Variants in TMTC3 observed in about 807,000 individuals in gnomAD.
TMTC3 encodes the protein transmembrane O-mannosyltransferase targeting cadherins 3.
TMTC3 carries 52 observed loss-of-function variants against 92.2 expected under a neutral mutation model. That is an observed-to-expected ratio of 0.56 (90% CI 0.45 to 0.71). The LOEUF (loss-of-function observed/expected upper bound fraction) is 0.71. Among genes scored for constraint, TMTC3 ranks in the 30% least tolerant of loss-of-function variants. TMTC3 has a pLI of 0.00. For missense variants in TMTC3, 896 were observed against 1,057.1 expected (o/e 0.85, Z 2.11); for synonymous variants, 339 against 363.3 (o/e 0.93, Z 0.76).
In TMTC3 at chr12:88,195,008, C is replaced by T. The variant is rs773997816; in HGVS notation, c.2104C>T (p.Arg702Ter). The change falls in exon 14 of 14, where the codon CGA (arginine) becomes TGA (stop). Residue 702 changes from arginine to a stop codon, truncating the protein, a stop_gained. Transcript: ENST00000266712. LOFTEE classifies it high-confidence loss of function. ...AGCCATAAAGTTACAAGCCGACTTCCGAAGTGCTTTGTTTAATCTGGCTCT... is the reference window on the plus strand; with the variant it reads ...AGCCATAAAGTTACAAGCCGACTTCTGAAGTGCTTTGTTTAATCTGGCTCT... ...KKAIKLQADF[R>*]SALFNLALLY... is the part of the protein sequence containing the mutation. 9.3e-6 allele frequency: 15 copies of T among 1,613,628 alleles called. No individual in the cohort carries two copies. Among genetic ancestry groups the T allele is most frequent in the Admixed American group, 5.0e-5 (3 of 59,954 alleles).
intron 1 of TMTC3, among the ~76,000 whole-genome samples, chr12:88,146,784 A>G (rs964440096): frequency 6.6e-6 from 1 of 150,844 alleles, no homozygotes; most frequent in Non-Finnish European, 1.5e-5. Flanking sequence ...TTGAAACTAT[A>G]GCAAATCCCA....
At chr12:88,144,816 G>A (rs558051657) in intron 1 of TMTC3, among the ~76,000 whole-genome samples, 118 of 152,286 alleles carry the variant, frequency 7.7e-4, no homozygotes, top group African/African-American at 2.5e-3. Context: ...TGTGAGTCAG[G>A]AAATTTAACT....
intron 11 of TMTC3, among the ~76,000 whole-genome samples, chr12:88,189,425 G>T (rs1232156672): frequency 6.6e-6 from 1 of 152,078 alleles, no homozygotes; most frequent in Non-Finnish European, 1.5e-5. Flanking sequence ...TGTTTTTATA[G>T]TCCATTTGTA....
Position 88,190,715 on chromosome 12 carries a change from TTA to T in TMTC3, c.1706+95_1706+96del, listed in dbSNP as rs1001073476. ...TGAATTGGTTTTTTTTGAAAAAAAA[TTA>T]TGTTTTTAATAATCTTACTTAGCAA... On this transcript the variant is annotated intron_variant, in intron 12 of 13. Transcript: ENST00000266712. The T allele has an allele frequency of 1.6e-5, 22 of 1,349,432 alleles. No homozygotes were observed. In the East Asian group the frequency reaches 3.1e-4, roughly 19 times the overall value. 83.6% of individuals were successfully genotyped at this position (1,349,432 alleles called of 1,614,324 possible).
At chr12:88,173,361 C>T (rs918452470) in intron 8 of TMTC3, among the ~76,000 whole-genome samples, 1 of 151,964 alleles carries the variant, frequency 6.6e-6, no homozygotes, top group African/African-American at 2.4e-5. Context: ...GAGTTTGCAA[C>T]TTGAAAAAGA....
intron 6 of TMTC3, among the ~76,000 whole-genome samples, chr12:88,164,857 A>G (rs2138391203): frequency 6.6e-6 from 1 of 151,184 alleles, no homozygotes; most frequent in East Asian, 1.9e-4. Context: ...CCTCCCTAGC[A>G]TTTTTTTTTC....
At chr12:88,154,585 T>A (rs2040983407) in intron 4 of TMTC3, among the ~76,000 whole-genome samples, 198 bp downstream of exon 4, 1 of 152,194 alleles carries the variant, frequency 6.6e-6, no homozygotes, top group South Asian at 2.1e-4. Flanking sequence ...ATAATTTATA[T>A]TTTTATCTTG....
intron 4 of TMTC3, among the ~76,000 whole-genome samples, chr12:88,156,449 A>G (rs141633377): frequency 6.6e-6 from 1 of 152,186 alleles, no homozygotes. Context: ...CTTTAAGAGA[A>G]TCAGCATTAA....
intron 8 of TMTC3, 39 bp from the exon 9 acceptor site, chr12:88,174,568 A>C: frequency 6.3e-7 from 1 of 1,586,364 alleles, no homozygotes; most frequent in East Asian, 2.3e-5. Context: ...TTGGTGATGA[A>C]GACAATTTTT....
At chr12:88,155,349 G>C (rs2040994706) in intron 4 of TMTC3, among the ~76,000 whole-genome samples, 2 of 152,134 alleles carry the variant, frequency 1.3e-5, no homozygotes, top group Admixed American at 1.3e-4. Flanking sequence ...CATGTAGTAG[G>C]AGGTACTTTT....
intron 3 of TMTC3, 77 bp from the exon 4 acceptor site, chr12:88,154,206 TTAAAG>T (rs2040978692): frequency 4.1e-5 from 41 of 992,676 alleles, no homozygotes; most frequent in Non-Finnish European, 5.8e-5. Flanking sequence ...GTTACGGAAA[TTAAAG>T]TATTTTTACC....
At chr12:88,168,356 G>A (rs1383900493) in intron 7 of TMTC3, among the ~76,000 whole-genome samples, 1 of 128,540 alleles carries the variant, frequency 7.8e-6, no homozygotes, top group Non-Finnish European at 1.7e-5. Context: ...AACTTTGACT[G>A]TTTCAAAGGA....
Position 88,195,429 on chromosome 12 carries a change from C to T in TMTC3, c.2525C>T (p.Pro842Leu), listed in dbSNP as rs1434393477. The T allele has an allele frequency of 6.2e-7, 1 of 1,613,118 alleles. No individual in the cohort carries two copies. The highest frequency in any genetic ancestry group is 1.3e-5 in the African/African-American group (1 of 74,816). ...TCAAGTGTGGAAGGAAAGAAAATTC[C>T]AACTGAAAGTGTAAAAGAAATTAGA... ...KISSVEGKKI[P>L]TESVKEIRGE... is the part of the protein sequence containing the mutation. Residue 842 changes from proline to leucine, a missense_variant, in exon 14 of 14, where the codon CCA (proline) becomes CTA (leucine). Coordinates refer to ENST00000266712, the MANE Select transcript of TMTC3 (RefSeq NM_181783.4).
intron 4 of TMTC3, among the ~76,000 whole-genome samples, chr12:88,158,804 CACTTTGG>C (rs1381843970): frequency 6.6e-6 from 1 of 152,084 alleles, no homozygotes; most frequent in East Asian, 1.9e-4. Flanking sequence ...GTAATCCCAG[CACTTTGG>C]GAGGCCGAGG....
intron 10 of TMTC3, among the ~76,000 whole-genome samples, chr12:88,182,369 G>C (rs2041327515): frequency 6.6e-6 from 1 of 152,144 alleles, no homozygotes. Context: ...AAATACCTGA[G>C]AGAGTCTAAG....
chr12:88,144,674 AT>A (rs2040850786), intron 1 of TMTC3, among the ~76,000 whole-genome samples: 1 of 152,212 alleles, frequency 6.6e-6, no homozygotes, highest in African/African-American at 2.4e-5. Flanking sequence ...CCTAAATTTT[AT>A]TCTTTAACTC....
intron 4 of TMTC3, among the ~76,000 whole-genome samples, chr12:88,158,697 G>A (rs940894037): frequency 4.0e-5 from 6 of 151,642 alleles, no homozygotes; most frequent in Admixed American, 2.6e-4. Context: ...TTCTGTTCTT[G>A]TTTATATTTA....
intron 10 of TMTC3, among the ~76,000 whole-genome samples, chr12:88,184,036 T>TGCCGAGTCTGTCCCACAGACTCTG (rs1190333741): frequency 6.6e-6 from 1 of 152,058 alleles, no homozygotes; most frequent in East Asian, 1.9e-4. Context: ...GGGCACCACC[T>TGCCGAGTCTGTCCCACAGACTCTG]GCCGAGTCTG....
intron 7 of TMTC3, among the ~76,000 whole-genome samples, chr12:88,168,033 A>G (rs2041165493): frequency 6.6e-6 from 1 of 152,204 alleles, no homozygotes; most frequent in South Asian, 2.1e-4. Context: ...TTCTCCCCAG[A>G]AAACAGTTGA....
Sources: gnomAD v4.1 joint callset for allele counts (sites outside exome capture counted in the v4.1 genomes callset) on GRCh38, gnomAD v4.1.1 for gene constraint, MANE v1.5 for transcripts, NCBI Gene and HGNC (gene_info 2026-07-23, HGNC 2026-07-21) for gene names.